The following MYO3A variants were observed in gnomAD, a reference collection of about 807,000 sequenced individuals.
The protein encoded by MYO3A is myosin IIIA.
In MYO3A, 180 loss-of-function variants were observed where a neutral mutation model predicts 192.7. The observed-to-expected ratio is 0.93, with a 90% CI of 0.83 to 1.06. MYO3A has a LOEUF of 1.06. Among genes scored for constraint, MYO3A ranks in the 50% least tolerant of loss-of-function variants. MYO3A has a pLI of 0.00. For synonymous variants in MYO3A, 628 were observed against 645.3 expected, an observed-to-expected ratio of 0.97 and a Z score of 0.41; for missense variants, 1,896 against 1,905.0, an observed-to-expected ratio of 1.00 and a Z score of 0.09.
At chr10:26,180,453 A>G (rs1842568164) in intron 31 of MYO3A, among the ~76,000 whole-genome samples, 1 of 152,198 alleles carries the variant, frequency 6.6e-6, no homozygotes. Flanking sequence ...AGGAGGATGA[A>G]GATAAAGATA....
At chr10:25,984,060 G>C (rs767889440) in intron 4 of MYO3A, among the ~76,000 whole-genome samples, 2 of 152,160 alleles carry the variant, frequency 1.3e-5, no homozygotes, top group Admixed American at 6.5e-5. Context: ...AACAAATACT[G>C]AGAGAGTTCA....
rs745897056 is a variant in MYO3A, at chr10:26,067,102, G to A, written c.1053+28G>A. 4.9e-6 allele frequency: 7 copies of A among 1,431,428 alleles called. No individual in the cohort carries two copies. The Admixed American group carries it at 1.2e-4, about 24-fold the overall frequency. The allele number at this position is 1,431,428 out of a possible 1,614,324, so 88.7% of individuals were successfully genotyped here. The stretch of plus-strand genomic sequence containing the variant: ...AAGAATTTCAGTTTAATTAAACTTA[G>A]ACATTCCAGATGTTTTGTTAATTTA... On this transcript the variant is annotated intron_variant, in intron 11 of 34. Coordinates refer to ENST00000642920, the MANE Select transcript of MYO3A (RefSeq NM_017433.5).
chr10:26,020,310 T>C (rs1237305152), intron 7 of MYO3A, among the ~76,000 whole-genome samples: 1 of 152,234 alleles, frequency 6.6e-6, no homozygotes, highest in Non-Finnish European at 1.5e-5. Context: ...ACTGATATGC[T>C]TATAACTAAA....
intron 4 of MYO3A, among the ~76,000 whole-genome samples, chr10:25,985,237 CAA>C (rs1157598256): frequency 0.048 from 3,840 of 79,764 alleles, 165 homozygotes; most frequent in African/African-American, 0.17. Context: ...GACTCTGTCT[CAA>C]AAAAAAAAAA....
At chr10:26,068,547 G>A (rs148856657) in intron 11 of MYO3A, among the ~76,000 whole-genome samples, 11 of 152,156 alleles carry the variant, frequency 7.2e-5, no homozygotes, top group Admixed American at 6.5e-4. Flanking sequence ...GAAAATGCAG[G>A]TAACAATGAC....
intron 13 of MYO3A, 50 bp downstream of exon 13, chr10:26,070,265 G>A: frequency 6.4e-7 from 1 of 1,563,704 alleles, no homozygotes; most frequent in African/African-American, 1.5e-5. Flanking sequence ...TTACTTAAAT[G>A]TCACTTAATT....
At chr10:25,943,507 G>A (rs2130442781) in intron 2 of MYO3A, among the ~76,000 whole-genome samples, 1 of 152,172 alleles carries the variant, frequency 6.6e-6, no homozygotes, top group Non-Finnish European at 1.5e-5. Context: ...TCTAATCCAT[G>A]AACACAGATA....
intron 31 of MYO3A, among the ~76,000 whole-genome samples, chr10:26,184,406 A>C (rs562219448): frequency 6.6e-6 from 1 of 152,346 alleles, no homozygotes; most frequent in Non-Finnish European, 1.5e-5. Context: ...AAGTTGATTT[A>C]TTAAGGAAAA....
intron 20 of MYO3A, among the ~76,000 whole-genome samples, chr10:26,141,864 A>G (rs1019701915): frequency 1.3e-5 from 2 of 152,022 alleles, no homozygotes; most frequent in Non-Finnish European, 2.9e-5. Flanking sequence ...ATATGCATTT[A>G]TTTTTCCTGG....
chr10:26,124,578 A>G (rs1020647484), intron 18 of MYO3A, among the ~76,000 whole-genome samples: 1 of 152,214 alleles, frequency 6.6e-6, no homozygotes, highest in African/African-American at 2.4e-5. Context: ...TCTTAGCCAT[A>G]TAACCAAGAA....
Position 26,088,220 on chromosome 10 carries a change from G to C in MYO3A, c.1377G>C (p.Leu459Phe), listed in dbSNP as rs1309319689. ...TVLGKANNRT[L>F]QEKILQVNNL... ...CTATTTAGGCTAATAACAGAACCTT[G>C]CAAGAGAAGATTTTACAAGTGAACA... Residue 459 changes from leucine (L) to phenylalanine (F), a missense_variant, in exon 15 of 35, where the codon TTG becomes TTC. Transcript: ENST00000642920. 1 of 1,610,298 alleles carries C rather than the reference G, an allele frequency of 6.2e-7. No homozygotes were observed. Among genetic ancestry groups the C allele is most frequent in the Non-Finnish European group, 8.5e-7 (1 of 1,178,146 alleles).
At chr10:26,170,572 C>G (rs192751808) in intron 29 of MYO3A, 33 bp downstream of exon 29, 8 of 1,589,050 alleles carry the variant, frequency 5.0e-6, no homozygotes, top group Non-Finnish European at 4.3e-6. Flanking sequence ...ACCGTTGTAA[C>G]ATATAGATTT....
At position 26,003,470 on chromosome 10, in the gene MYO3A, G is replaced by T. The variant is rs76009454; in HGVS notation, c.508+6212G>T. On this transcript the variant is annotated intron_variant, in intron 6 of 34. Coordinates refer to ENST00000642920, the MANE Select transcript of MYO3A (RefSeq NM_017433.5). Reference sequence around the variant, plus strand: ...GTTTGCTAATGCTCATTATGAATACGGCCTTTAAGAAAAACTTTTAGTTTT... The same window carrying T: ...GTTTGCTAATGCTCATTATGAATACTGCCTTTAAGAAAAACTTTTAGTTTT... Among the ~76,000 whole-genome samples the T allele has an allele frequency of 3.0e-4, 45 of 152,070 alleles. No homozygotes were observed. The East Asian group carries it at 6.6e-3, about 22-fold the overall frequency.
chr10:26,130,169 G>A (rs1218812243), intron 20 of MYO3A, among the ~76,000 whole-genome samples: 1 of 151,976 alleles, frequency 6.6e-6, no homozygotes, highest in East Asian at 1.9e-4. Flanking sequence ...CAGTGGGGTG[G>A]TGTTGGCTGA....
Position 26,070,205 on chromosome 10 carries a change from A to T in MYO3A, c.1265A>T (p.Asn422Ile), listed in dbSNP as rs747756801. The change falls in exon 13 of 35, where the codon AAT becomes ATT. Residue 422 changes from asparagine (N) to isoleucine (I), a missense_variant. Coordinates refer to ENST00000642920, the MANE Select transcript of MYO3A (RefSeq NM_017433.5). ...DLGYQSMITYNSDQCIVISGE... is the reference protein window; with the variant it reads ...DLGYQSMITYISDQCIVISGE... The stretch of plus-strand genomic sequence containing the variant: ...GGATATCAATCTATGATAACATATA[A>T]TTCAGATCAGGTAAGAAGAGTCTCC... The T allele has an allele frequency of 3.7e-6, 6 of 1,609,118 alleles. No individual in the cohort carries two copies.
chr10:26,112,702 C>T (rs1028887360), intron 17 of MYO3A, among the ~76,000 whole-genome samples: 41 of 152,274 alleles, frequency 2.7e-4, no homozygotes, highest in African/African-American at 8.2e-4. Flanking sequence ...TTACAGTTCA[C>T]GTGTGCATTT....
At chr10:26,002,791 T>A (rs1236098464) in intron 6 of MYO3A, among the ~76,000 whole-genome samples, 1 of 152,182 alleles carries the variant, frequency 6.6e-6, no homozygotes, top group Non-Finnish European at 1.5e-5. Context: ...ATATTGATTC[T>A]TTGAAAAGAA....
At chr10:26,075,885 T>A (rs1835543080) in intron 14 of MYO3A, among the ~76,000 whole-genome samples, 1 of 151,366 alleles carries the variant, frequency 6.6e-6, no homozygotes, top group South Asian at 2.1e-4. Context: ...AGTTTCTTTA[T>A]CCACTCATTG....
In MYO3A at chr10:26,143,597, T is replaced by C; in HGVS notation, c.2412T>C (p.Leu804=). ...TTCCCAAGGCCACTGACCAGACTCT[T>C]GTAGGTGAGTTTTCAGTCCAGTGTG... is the stretch of plus-strand genomic sequence containing the variant. ...SRFPKATDQT[L]VEKFEGNLKS... is the part of the protein sequence containing the mutation. Residue 804 remains leucine, a synonymous_variant, in exon 21 of 35, where the codon CTT becomes CTC. Transcript: ENST00000642920. The C allele has an allele frequency of 1.2e-6, 2 of 1,613,980 alleles. No homozygotes were observed. The highest frequency in any genetic ancestry group is 1.7e-6 in the Non-Finnish European group (2 of 1,179,900).
Sources: gnomAD v4.1 joint callset for allele counts (sites outside exome capture counted in the v4.1 genomes callset) on GRCh38, gnomAD v4.1.1 for gene constraint, MANE v1.5 for transcripts, NCBI Gene and HGNC (gene_info 2026-07-23, HGNC 2026-07-21) for gene names.